The following ERBB3 variants were observed in gnomAD, a reference collection of about 807,000 sequenced individuals.
ERBB3 encodes receptor tyrosine-protein kinase erbB-3.
In ERBB3, 96 loss-of-function variants were observed where a neutral mutation model predicts 156.7. The ratio of observed to expected loss-of-function variants is 0.61; its 90% CI spans 0.52 to 0.73. ERBB3 has a LOEUF of 0.73. ERBB3 is among the 30% of genes least tolerant of loss of function. The pLI is 0.00. For synonymous variants in ERBB3, 567 were observed against 632.0 expected (o/e 0.90, Z 1.54); for missense variants, 1,406 against 1,709.4 (o/e 0.82, Z 3.13).
rs1405503925 is a variant in ERBB3, at chr12:56,087,921, C to T, written c.732+8C>T. ...CAGGACACAGACTGCTTTGTATGTA[C>T]CCTTTCCATTGCCTGGGTTCTGAAA... On this transcript the variant is annotated splice_region_variant and intron_variant, in intron 6 of 27. Coordinates refer to ENST00000267101, the MANE Select transcript of ERBB3 (RefSeq NM_001982.4). The T allele has an allele frequency of 1.2e-6, 2 of 1,613,234 alleles. No individual in the cohort carries two copies. Among genetic ancestry groups the T allele is most frequent in the African/African-American group, 2.7e-5 (2 of 75,016 alleles).
intron 9 of ERBB3, among the ~76,000 whole-genome samples, chr12:56,090,202 G>A (rs1868631786): frequency 6.6e-6 from 1 of 151,782 alleles, no homozygotes; most frequent in Non-Finnish European, 1.5e-5. Context: ...GTTTCACCAT[G>A]TAGGCCAGGC....
At chr12:56,094,294 G>A in intron 14 of ERBB3, 105 bp downstream of exon 14, 1 of 1,473,960 alleles carries the variant, frequency 6.8e-7, no homozygotes. Flanking sequence ...GCCAGATAAT[G>A]CTAGGGCCTG....
rs201112536 is a variant in ERBB3, at chr12:56,094,422, A to G, written c.1725A>G (p.Gln575=). 3.8e-5 allele frequency: 61 copies of G among 1,614,066 alleles called. No homozygotes were observed. Among genetic ancestry groups the G allele is most frequent in the African/African-American group, 6.7e-5 (5 of 74,980 alleles). The change falls in exon 15 of 28, where the codon CAA becomes CAG. Residue 575 remains glutamine (Q), a synonymous_variant. Transcript: ENST00000267101. ...CTCAGGGCTCTGATACTTGTGCTCA[A>G]TGTGCCCATTTTCGAGATGGGCCCC... ...CNGSGSDTCA[Q]CAHFRDGPHC...
At chr12:56,084,547 C>G (rs1013690962) in intron 2 of ERBB3, among the ~76,000 whole-genome samples, 7 of 147,282 alleles carry the variant, frequency 4.8e-5, no homozygotes, top group African/African-American at 1.7e-4. Flanking sequence ...GAGTTTGACG[C>G]TGCAGTGAGC....
At chr12:56,085,426 T>G in intron 3 of ERBB3, 5 of 1,421,272 alleles carry the variant, frequency 3.5e-6, no homozygotes, top group Non-Finnish European at 4.6e-6. Flanking sequence ...CTGGATCTGT[T>G]AACCGTTTTT....
At position 56,087,872 on chromosome 12, in the gene ERBB3, T is replaced by G. The variant is rs376656358; in HGVS notation, c.691T>G (p.Cys231Gly). The G allele has an allele frequency of 2.5e-6, 4 of 1,614,050 alleles. No individual in the cohort carries two copies. The highest frequency in any genetic ancestry group is 3.4e-6 in the Non-Finnish European group (4 of 1,180,028). ...CCCCAACCAGTGCTGCCATGATGAGTGTGCCGGGGGCTGCTCAGGCCCTCA... is the reference window on the plus strand; with the variant it reads ...CCCCAACCAGTGCTGCCATGATGAGGGTGCCGGGGGCTGCTCAGGCCCTCA... ...PNPNQCCHDE[C>G]AGGCSGPQDT... Residue 231 changes from cysteine (C) to glycine (G), a missense_variant, in exon 6 of 28, where the codon TGT becomes GGT. Cys to Gly is a radical substitution (Grantham distance 159). Around this residue, in one of 3 missense-constraint regions of ERBB3, gnomAD observed 979 missense variants for 1,219.6 expected, o/e 0.80. Transcript: ENST00000267101.
At chr12:56,097,361 G>T (rs1868923168) in intron 20 of ERBB3, 131 bp downstream of exon 20, 1 of 830,066 alleles carries the variant, frequency 1.2e-6, no homozygotes, top group African/African-American at 1.7e-5. Context: ...ACCAGTCCAT[G>T]GCCTGTTAGG....
chr12:56,101,946 A>G lies in ERBB3; in HGVS notation c.3920A>G (p.Tyr1307Cys). ...GPGHQAPHVH[Y>C]ARLKTLRSLE... is the part of the protein sequence containing the mutation. ...GGACATCAGGCCCCCCATGTCCATT[A>G]TGCCCGCCTAAAAACTCTACGTAGC... The change falls in exon 28 of 28, where the codon TAT becomes TGT. Residue 1307 changes from tyrosine (Y) to cysteine (C), a missense_variant. Physicochemically the swap from Tyr to Cys is radical, Grantham distance 194. Around this residue, in one of 3 missense-constraint regions of ERBB3, gnomAD observed 415 missense variants for 454.1 expected, o/e 0.91. Coordinates refer to ENST00000267101, the MANE Select transcript of ERBB3 (RefSeq NM_001982.4). The G allele has an allele frequency of 6.2e-7, 1 of 1,613,498 alleles. No individual in the cohort carries two copies. The highest frequency in any genetic ancestry group is 1.1e-5 in the South Asian group (1 of 91,060).
intron 23 of ERBB3, chr12:56,099,107 C>T (rs1158685052): frequency 1.7e-5 from 10 of 597,296 alleles, no homozygotes; most frequent in Non-Finnish European, 2.3e-5. Context: ...TACAGGCGCC[C>T]GCCACACCTG....
At chr12:56,098,248 CAAA>C (rs56112932) in intron 21 of ERBB3, 13,498 of 458,286 alleles carry the variant, frequency 0.029, no homozygotes, top group Non-Finnish European at 0.035. Context: ...ACTAAATATA[CAAA>C]AAAAAAAAAA....
At position 56,095,759 on chromosome 12, in the gene ERBB3, C is replaced by T. The variant is rs773690291; in HGVS notation, c.2008C>T (p.Arg670Trp). 11 of 1,614,062 alleles carry T rather than the reference C, an allele frequency of 6.8e-6. No homozygotes were observed. Among genetic ancestry groups the T allele is most frequent in the Middle Eastern group, 1.6e-4 (1 of 6,062 alleles). The change falls in exon 17 of 28, where the codon CGG becomes TGG. Residue 670 changes from arginine to tryptophan, a missense_variant. By Grantham distance (101) the Arg-to-Trp change is moderately radical (BLOSUM62 -3). Transcript: ENST00000267101. ...CACTTTTCTCTACTGGCGTGGGCGC[C>T]GGATTCAGAATAAAAGGGCTATGAG... is the stretch of plus-strand genomic sequence containing the variant. The part of the protein sequence containing the change: ...GGTFLYWRGR[R>W]IQNKRAMRRY...
At position 56,089,475 on chromosome 12, in the gene ERBB3, C is replaced by T. The variant is rs182563545; in HGVS notation, c.1109+607C>T. Among the ~76,000 whole-genome samples the T allele has an allele frequency of 3.9e-5, 6 of 152,196 alleles. No individual in the cohort carries two copies. In the East Asian group the frequency reaches 1.2e-3, roughly 29 times the overall value. ...TAAAAATCTGTCTCCAGGCTGGGCC[C>T]GGTGGCTCATGCCTATAATCCCAGC... On this transcript the variant is annotated intron_variant, in intron 9 of 27. Coordinates refer to ENST00000267101, the MANE Select transcript of ERBB3 (RefSeq NM_001982.4).
chr12:56,090,701 C>T (rs981644168), intron 9 of ERBB3, among the ~76,000 whole-genome samples: 24 of 149,490 alleles, frequency 1.6e-4, no homozygotes, highest in African/African-American at 3.2e-4. Flanking sequence ...TCTCTCTCTA[C>T]ACACACACAC....
Position 56,093,088 on chromosome 12 carries a change from G to T in ERBB3, c.1274+12G>T, listed in dbSNP as rs1288593059. 3 of 1,588,398 alleles carry T rather than the reference G, an allele frequency of 1.9e-6. No individual in the cohort carries two copies. In the African/African-American group the frequency reaches 4.0e-5, roughly 21 times the overall value. ...AGAAGCCTCTACAAGTGAGTAAAGG[G>T]TATGGAGGAAATGGCATCTTCAGGC... is the stretch of plus-strand genomic sequence containing the variant. On this transcript the variant is annotated intron_variant, in intron 11 of 27. Coordinates refer to ENST00000267101, the MANE Select transcript of ERBB3 (RefSeq NM_001982.4).
chr12:56,097,240 G>A lies in ERBB3; in HGVS notation c.2460+10G>A. On this transcript the variant is annotated intron_variant, in intron 20 of 27. Transcript: ENST00000267101. ...AGTACAAATTGCCAAGGTGAGAGAA[G>A]CCTGGAGGAATTCTGTGATAAGAAC... The A allele has an allele frequency of 6.2e-7, 1 of 1,613,304 alleles. No individual in the cohort carries two copies. Among genetic ancestry groups the A allele is most frequent in the Non-Finnish European group, 8.5e-7 (1 of 1,179,290 alleles).
intron 19 of ERBB3, 94 bp downstream of exon 19, chr12:56,096,940 A>G (rs1388912016): frequency 1.3e-6 from 1 of 796,652 alleles, no homozygotes; most frequent in Non-Finnish European, 2.0e-6. Context: ...AGCAGCTACT[A>G]TGTTAGCCAG....
At chr12:56,099,552 G>A (rs1592231798) in intron 23 of ERBB3, 96 bp from the exon 24 acceptor site, 1 of 1,022,052 alleles carries the variant, frequency 9.8e-7, no homozygotes, top group Middle Eastern at 3.0e-4. Flanking sequence ...ACCCGCCTTG[G>A]CCTCCCAAAG....
intron 1 of ERBB3, 147 bp downstream of exon 1, chr12:56,080,529 G>T: frequency 1.5e-6 from 1 of 671,212 alleles, no homozygotes; most frequent in Non-Finnish European, 2.6e-6. Context: ...GAGAGGGGCG[G>T]TCAGGCTCGG....
rs1197882185 is a variant in ERBB3, at chr12:56,088,275, T to TTA, written c.874+113_874+114insTA. ...GGTGATAAATAGGGAGATTGGTGAATGGTTATGATCATCTAACCACTCCAG... is the reference window on the plus strand; with the variant it reads ...GGTGATAAATAGGGAGATTGGTGAATTAGGTTATGATCATCTAACCACTCCAG... On this transcript the variant is annotated intron_variant, in intron 7 of 27. Transcript: ENST00000267101. 9.8e-6 allele frequency: 12 copies of TTA among 1,222,736 alleles called. No individual in the cohort carries two copies. In the African/African-American group the frequency reaches 1.5e-4, roughly 15 times the overall value. The allele number at this position is 1,222,736 out of a possible 1,614,324, so 75.7% of individuals were successfully genotyped here.
Sources: gnomAD v4.1 joint callset for allele counts (sites outside exome capture counted in the v4.1 genomes callset) on GRCh38, gnomAD v4.1.1 for gene constraint, gnomAD v4.1.1 regional missense constraint, MANE v1.5 for transcripts, NCBI Gene and HGNC (gene_info 2026-07-23, HGNC 2026-07-21) for gene names.